NRG3: variants seen among roughly 807,000 people sequenced by gnomAD.
The protein encoded by NRG3 is neuregulin 3.
NRG3 carries 31 observed loss-of-function variants against 66.9 expected under a neutral mutation model. The ratio of observed to expected loss-of-function variants is 0.46; its 90% CI spans 0.35 to 0.63. The LOEUF is 0.63. Among genes scored for constraint, NRG3 ranks in the 20% least tolerant of loss-of-function variants. The pLI is 0.00. For missense variants in NRG3, 910 were observed against 878.9 expected (o/e 1.04, Z -0.45); for synonymous variants, 393 against 359.4 (o/e 1.09, Z -1.06).
intron 2 of NRG3, among the ~76,000 whole-genome samples, chr10:82,651,529 T>C (rs1263088454): frequency 2.0e-5 from 3 of 152,214 alleles, no homozygotes; most frequent in Non-Finnish European, 4.4e-5. Flanking sequence ...AGCTGTCCTG[T>C]GGAGAAGCCT....
chr10:82,447,663 T>C (rs1384777055), intron 2 of NRG3, among the ~76,000 whole-genome samples: 4 of 152,274 alleles, frequency 2.6e-5, no homozygotes, highest in South Asian at 2.1e-4. Context: ...TTGTATTCTA[T>C]GTAACAACTA....
chr10:82,374,808 C>T (rs1256091650), intron 2 of NRG3, among the ~76,000 whole-genome samples: 2 of 152,190 alleles, frequency 1.3e-5, no homozygotes, highest in South Asian at 2.1e-4. Flanking sequence ...CACCCTCCAA[C>T]TCTGTGCAGC....
chr10:82,215,282 A>G (rs1469242113), intron 1 of NRG3, among the ~76,000 whole-genome samples: 11 of 152,174 alleles, frequency 7.2e-5, no homozygotes, highest in Admixed American at 7.2e-4. Flanking sequence ...TAGCAAATGG[A>G]ACAATATGGC....
chr10:82,686,549 C>A (rs1373342206), intron 2 of NRG3, among the ~76,000 whole-genome samples: 1 of 152,168 alleles, frequency 6.6e-6, no homozygotes, highest in African/African-American at 2.4e-5. Flanking sequence ...AGCATCACCA[C>A]AAACACATGA....
At chr10:82,293,362 A>G (rs567169610) in intron 1 of NRG3, among the ~76,000 whole-genome samples, 1 of 152,292 alleles carries the variant, frequency 6.6e-6, no homozygotes, top group Non-Finnish European at 1.5e-5. Flanking sequence ...CCACAATTCT[A>G]AAAACTTATC....
At chr10:82,515,488 A>G (rs1477789503) in intron 2 of NRG3, among the ~76,000 whole-genome samples, 3 of 152,164 alleles carry the variant, frequency 2.0e-5, no homozygotes, top group Non-Finnish European at 2.9e-5. Context: ...TGATGACTCT[A>G]TTGTTTCACC....
In NRG3 at chr10:82,015,254, TCAC is replaced by T. The variant is rs1279947760; in HGVS notation, c.823+139094_823+139096del. 2.0e-3 allele frequency among the ~76,000 whole-genome samples: 298 copies of T among 152,312 alleles called. 1 individual carries two copies. Among genetic ancestry groups the T allele is most frequent in the Non-Finnish European group, 2.6e-4 (18 of 68,028 alleles). ...GATTAATGTATGAGCAGATGAACCTTCACCAGATTTTGAAAGCAAACCTTTGGA... is the reference window on the plus strand; with the variant it reads ...GATTAATGTATGAGCAGATGAACCTTCAGATTTTGAAAGCAAACCTTTGGA... On this transcript the variant is annotated intron_variant, in intron 1 of 8. Transcript: ENST00000372141.
At chr10:82,574,476 A>C (rs1226374709) in intron 2 of NRG3, among the ~76,000 whole-genome samples, 1 of 151,790 alleles carries the variant, frequency 6.6e-6, no homozygotes. Context: ...TAGCACAGTA[A>C]AGTGACTGCA....
intron 1 of NRG3, among the ~76,000 whole-genome samples, chr10:82,226,657 T>G (rs2076177604): frequency 6.6e-6 from 1 of 152,206 alleles, no homozygotes; most frequent in African/African-American, 2.4e-5. Flanking sequence ...TTGTGCATGC[T>G]ATATGTTTGA....
At chr10:82,953,796 A>G (rs953790854) in intron 5 of NRG3, among the ~76,000 whole-genome samples, 1 of 151,766 alleles carries the variant, frequency 6.6e-6, no homozygotes. Context: ...CATCTCTACT[A>G]AAAATACAAA....
intron 2 of NRG3, among the ~76,000 whole-genome samples, chr10:82,625,362 T>C (rs2049346967): frequency 6.6e-6 from 1 of 152,004 alleles, no homozygotes; most frequent in South Asian, 2.1e-4. Context: ...GCTTCTATTA[T>C]CCAGAATTTA....
At chr10:82,024,700 C>T (rs891908867) in intron 1 of NRG3, among the ~76,000 whole-genome samples, 5 of 151,996 alleles carry the variant, frequency 3.3e-5, no homozygotes, top group South Asian at 4.2e-4. Flanking sequence ...ATTCACTCTA[C>T]GTGTCTGGAA....
chr10:82,952,391 C>T (rs553872067), intron 5 of NRG3, among the ~76,000 whole-genome samples: 92 of 148,940 alleles, frequency 6.2e-4, no homozygotes, highest in African/African-American at 2.0e-3. Flanking sequence ...CCAGATCACA[C>T]TGCTACACTG....
At chr10:82,962,104 A>G (rs1410467349) in intron 6 of NRG3, among the ~76,000 whole-genome samples, 3 of 152,232 alleles carry the variant, frequency 2.0e-5, no homozygotes, top group Non-Finnish European at 4.4e-5. Context: ...GTGAAGCAAC[A>G]TGATACTCTG....
intron 1 of NRG3, among the ~76,000 whole-genome samples, chr10:82,076,950 T>TA (rs2065125329): frequency 1.3e-5 from 2 of 152,232 alleles, no homozygotes; most frequent in African/African-American, 4.8e-5. Context: ...GCTTCATCTG[T>TA]AAAAAGGCAT....
At chr10:82,532,331 A>G (rs1170158576) in intron 2 of NRG3, among the ~76,000 whole-genome samples, 1 of 151,486 alleles carries the variant, frequency 6.6e-6, no homozygotes, top group Non-Finnish European at 1.5e-5. Context: ...ACTTAGCATA[A>G]GGTTCATCCA....
Position 82,362,547 on chromosome 10 carries a change from G to GTT in NRG3, c.953+3679_953+3680insTT, listed in dbSNP as rs1564840163. On this transcript the variant is annotated intron_variant, in intron 2 of 8. Coordinates refer to ENST00000372141, the MANE Select transcript of NRG3 (RefSeq NM_001010848.4). Reference sequence around the variant, plus strand: ...CACCACCATGCCCAGATAATTTCTGGGTTTTTTTTTTTTTTTTTTTTTCGT... The same window carrying GTT: ...CACCACCATGCCCAGATAATTTCTGGTTGTTTTTTTTTTTTTTTTTTTTTCGT... 8.5e-5 allele frequency among the ~76,000 whole-genome samples: 4 copies of GTT among 47,266 alleles called. No individual in the cohort carries two copies. In the African/African-American group the frequency reaches 1.1e-3, roughly 13 times the overall value. The allele number at this position is 47,266 out of a possible 152,430, so 31.0% of individuals were successfully genotyped here.
intron 1 of NRG3, among the ~76,000 whole-genome samples, chr10:82,282,823 T>G (rs1441899426): frequency 1.3e-5 from 2 of 152,058 alleles, no homozygotes; most frequent in African/African-American, 4.8e-5. Flanking sequence ...ACAAAATTTT[T>G]AATTCGAAGG....
chr10:82,938,280 A>G (rs189655045), intron 4 of NRG3, among the ~76,000 whole-genome samples: 31 of 152,336 alleles, frequency 2.0e-4, no homozygotes, highest in African/African-American at 7.5e-4. Context: ...GAACGTACAC[A>G]GATCTAGCTT....
Sources: gnomAD v4.1 joint callset for allele counts (sites outside exome capture counted in the v4.1 genomes callset) on GRCh38, gnomAD v4.1.1 for gene constraint, MANE v1.5 for transcripts, NCBI Gene and HGNC (gene_info 2026-07-23, HGNC 2026-07-21) for gene names.